Variants in SFMBT1 observed in about 807,000 individuals in gnomAD.
SFMBT1 encodes the protein Scm like with four mbt domains 1, also known as scm-like with four MBT domains protein 1.
In SFMBT1, 32 loss-of-function variants were observed where a neutral mutation model predicts 108.7. The observed-to-expected ratio is 0.29, with a 90% confidence interval of 0.22 to 0.40. The LOEUF (loss-of-function observed/expected upper bound fraction) is 0.40. SFMBT1 is among the 10% of genes least tolerant of loss of function. The pLI, the probability that SFMBT1 is intolerant of heterozygous loss-of-function variation, is 1.00. For synonymous variants in SFMBT1, 348 were observed against 369.5 expected (o/e 0.94, Z 0.67); for missense variants, 816 against 1,059.6 (o/e 0.77, Z 3.19).
At position 52,911,147 on chromosome 3, in the gene SFMBT1, C is replaced by G. The variant is rs145677464; in HGVS notation, c.1762G>C (p.Glu588Gln). 1.2e-6 allele frequency: 2 copies of G among 1,612,930 alleles called. No individual in the cohort carries two copies. The highest frequency in any genetic ancestry group is 2.7e-5 in the African/African-American group (2 of 74,902). The part of the protein sequence containing the change: ...YKGKSYRATV[E>Q]IVKTADRVTE... Reference sequence around the variant, plus strand: ...ACCCGATCTGCTGTTTTCACTATCTCAACAGTAGCCCGATAACTCTTTCCT... The same window carrying G: ...ACCCGATCTGCTGTTTTCACTATCTGAACAGTAGCCCGATAACTCTTTCCT... The change falls in exon 17 of 21, where the codon GAG becomes CAG. Residue 588 changes from glutamate to glutamine, a missense_variant. Physicochemically the swap from Glu to Gln is conservative, Grantham distance 29. Around this residue, in one of 5 missense-constraint regions of SFMBT1, gnomAD observed 79 missense variants for 120.8 expected, o/e 0.65. Coordinates refer to ENST00000394752, the MANE Select transcript of SFMBT1 (RefSeq NM_016329.4).
At chr3:52,929,494 G>A (rs377162274) in intron 8 of SFMBT1, among the ~76,000 whole-genome samples, 5 of 151,938 alleles carry the variant, frequency 3.3e-5, no homozygotes, top group East Asian at 1.9e-4. Flanking sequence ...CTGCCCCGGC[G>A]TCCCAAAGTG....
chr3:53,031,780 G>C (rs1699695814), intron 1 of SFMBT1, among the ~76,000 whole-genome samples: 1 of 152,082 alleles, frequency 6.6e-6, no homozygotes, highest in African/African-American at 2.4e-5. Context: ...TGAACACAAG[G>C]AATAATGCAT....
At chr3:53,012,752 C>A (rs910992376) in intron 1 of SFMBT1, among the ~76,000 whole-genome samples, 9 of 151,628 alleles carry the variant, frequency 5.9e-5, no homozygotes, top group Non-Finnish European at 1.0e-4. Context: ...CACTGGCCAA[C>A]AAACCCAAAA....
Position 53,000,170 on chromosome 3 carries a change from C to T in SFMBT1, c.-130-30912G>A, listed in dbSNP as rs539734634. On this transcript the variant is annotated intron_variant, in intron 1 of 20. Transcript: ENST00000394752. ...AGCCACCGCACCCAGCCTACTCTTA[C>T]ATTTTTTTAGGTTTTTATTTACTCA... Among the ~76,000 whole-genome samples, 8 of 150,028 alleles carry T rather than the reference C, an allele frequency of 5.3e-5. 1 individual carries two copies. In the South Asian group the frequency reaches 1.5e-3, roughly 28 times the overall value.
chr3:52,974,833 T>TAAAAAAAAA (rs10646648), intron 1 of SFMBT1, among the ~76,000 whole-genome samples: 38 of 90,540 alleles, frequency 4.2e-4, no homozygotes, highest in Non-Finnish European at 5.6e-4. Flanking sequence ...CTATAAAAAG[T>TAAAAAAAAA]AAAAAAAAAA....
At chr3:52,989,167 C>T (rs565069192) in intron 1 of SFMBT1, among the ~76,000 whole-genome samples, 1 of 152,080 alleles carries the variant, frequency 6.6e-6, no homozygotes, top group South Asian at 2.1e-4. Context: ...ATTTTGTGAA[C>T]TTAAATGCAA....
At chr3:53,014,317 T>A (rs1288253340) in intron 1 of SFMBT1, among the ~76,000 whole-genome samples, 1 of 151,970 alleles carries the variant, frequency 6.6e-6, no homozygotes, top group African/African-American at 2.4e-5. Context: ...TCTTAGAAAG[T>A]TTTTAGGTGA....
At chr3:53,039,651 C>T (rs948246487) in intron 1 of SFMBT1, among the ~76,000 whole-genome samples, 1 of 152,082 alleles carries the variant, frequency 6.6e-6, no homozygotes, top group African/African-American at 2.4e-5. Flanking sequence ...CACAACCATA[C>T]GTTTACAGAG....
intron 1 of SFMBT1, among the ~76,000 whole-genome samples, chr3:52,975,696 G>C (rs1159951204): frequency 2.0e-5 from 3 of 152,120 alleles, no homozygotes; most frequent in Admixed American, 6.5e-5. Context: ...CCACCTCCCA[G>C]GCTCAAGCAA....
intron 1 of SFMBT1, among the ~76,000 whole-genome samples, chr3:53,042,058 A>G (rs146861188): frequency 1.3e-5 from 2 of 152,364 alleles, no homozygotes; most frequent in East Asian, 3.9e-4. Context: ...GAAAATTATA[A>G]GAGAAAAAAT....
At chr3:52,959,169 A>C (rs1054710262) in intron 2 of SFMBT1, among the ~76,000 whole-genome samples, 1 of 152,182 alleles carries the variant, frequency 6.6e-6, no homozygotes, top group Non-Finnish European at 1.5e-5. Flanking sequence ...CAGTTAATGT[A>C]TACTGGGCTT....
intron 16 of SFMBT1, among the ~76,000 whole-genome samples, chr3:52,911,863 C>G (rs997769829): frequency 6.6e-6 from 1 of 151,702 alleles, no homozygotes; most frequent in African/African-American, 2.4e-5. Context: ...CGACACCTGG[C>G]TAATTTTTGT....
rs142835908 is a variant in SFMBT1, at chr3:52,932,147, A to C, written c.615T>G (p.Tyr205Ter). Reference protein sequence around the residue: ...RYEGLESSDNYEHWLYYLDPF... With the variant: ...RYEGLESSDN ...GATCCAAGTAATACAACCAATGTTC[A>C]TAATTGTCAGAACTTTCAAGTCCTT... is the stretch of plus-strand genomic sequence containing the variant. Residue 205 changes from tyrosine to a stop codon, truncating the protein, a stop_gained, in exon 6 of 21, where the codon TAT (tyrosine) becomes TAG (stop). Transcript: ENST00000394752. LOFTEE classifies it high-confidence loss of function. 6.2e-7 allele frequency: 1 copy of C among 1,614,200 alleles called. No individual in the cohort carries two copies. Among genetic ancestry groups the C allele is most frequent in the Non-Finnish European group, 8.5e-7 (1 of 1,180,028 alleles).
intron 10 of SFMBT1, among the ~76,000 whole-genome samples, chr3:52,922,744 C>G (rs971382256): frequency 3.9e-5 from 6 of 152,164 alleles, no homozygotes; most frequent in Non-Finnish European, 8.8e-5. Context: ...TCCTTCCTCT[C>G]CCCTACAGAA....
At chr3:52,978,061 C>CT (rs1389703229) in intron 1 of SFMBT1, among the ~76,000 whole-genome samples, 4 of 152,104 alleles carry the variant, frequency 2.6e-5, no homozygotes, top group Admixed American at 6.6e-5. Flanking sequence ...TCTCTGCCCT[C>CT]ATGAAGCTTA....
intron 10 of SFMBT1, among the ~76,000 whole-genome samples, chr3:52,924,691 C>T (rs946687316): frequency 6.6e-5 from 10 of 151,502 alleles, no homozygotes; most frequent in African/African-American, 2.4e-4. Context: ...ACAAAACCCA[C>T]AAAAACTACA....
intron 3 of SFMBT1, among the ~76,000 whole-genome samples, chr3:52,948,382 T>C (rs1052250084): frequency 6.6e-6 from 1 of 152,146 alleles, no homozygotes; most frequent in Non-Finnish European, 1.5e-5. Flanking sequence ...ATTCTTTAGG[T>C]GTGTCTGGCT....
chr3:53,034,931 T>C (rs187331304), intron 1 of SFMBT1, among the ~76,000 whole-genome samples: 3 of 152,318 alleles, frequency 2.0e-5, no homozygotes, highest in Admixed American at 2.0e-4. Flanking sequence ...AGAGCGAGAC[T>C]CTGTCTCAAA....
chr3:52,997,485 G>C (rs1237868837), intron 1 of SFMBT1, among the ~76,000 whole-genome samples: 1 of 148,840 alleles, frequency 6.7e-6, no homozygotes, highest in Non-Finnish European at 1.5e-5. Flanking sequence ...GTAGTGAGCC[G>C]AGATCATGCC....
Sources: allele counts gnomAD v4.1 joint callset (sites outside exome capture counted in the v4.1 genomes callset), GRCh38; gene constraint gnomAD v4.1.1; regional missense constraint gnomAD v4.1.1; transcripts MANE v1.5; gene names NCBI Gene and HGNC (gene_info 2026-07-23, HGNC 2026-07-21).